The following ZNF219 variants were observed in gnomAD, a reference collection of about 807,000 sequenced individuals.
ZNF219 encodes zinc finger protein 219.
A neutral mutation model predicts 54.4 loss-of-function variants in ZNF219; 17 were observed. That is an observed-to-expected ratio of 0.31 (90% confidence interval 0.21 to 0.47). ZNF219 has a LOEUF of 0.47. Among genes scored for constraint, ZNF219 ranks in the 20% least tolerant of loss-of-function variants. The probability of loss-of-function intolerance (pLI) is 1.00; values close to 1 mark genes in which losing one functional copy is unlikely to be tolerated. For synonymous variants in ZNF219, 518 were observed against 476.4 expected (o/e 1.09, Z -1.14); for missense variants, 1,014 against 1,062.3 (o/e 0.95, Z 0.63).
intron 1 of ZNF219, among the ~76,000 whole-genome samples, chr14:21,095,675 A>G (rs531239882): frequency 1.3e-5 from 2 of 152,306 alleles, no homozygotes; most frequent in Non-Finnish European, 2.9e-5. Flanking sequence ...AGATAGAGCT[A>G]TGAGGTGCTA....
upstream of ZNF219, among the ~76,000 whole-genome samples, chr14:21,100,369 T>TATTATA (rs71419103): frequency 3.3e-5 from 5 of 149,324 alleles, no homozygotes; most frequent in Admixed American, 2.7e-4. Flanking sequence ...GTCTCAATAA[T>TATTATA]ATAATAATAA....
In ZNF219 at chr14:21,092,863, G is replaced by C; in HGVS notation, c.434C>G (p.Ala145Gly). The change falls in exon 3 of 5, where the codon GCC becomes GGC. Residue 145 changes from alanine (A) to glycine (G), a missense_variant. Around this residue, in one of 5 missense-constraint regions of ZNF219, gnomAD observed 395 missense variants for 415.1 expected, o/e 0.95. Coordinates refer to ENST00000360947, the MANE Select transcript of ZNF219 (RefSeq NM_016423.3). The stretch of plus-strand genomic sequence containing the variant: ...CGCCAGACCCTCAGTGGCAGGGGTG[G>C]CCTGCATGCCCCCTGAGCTTCGGGC... ...GRARSSGGMQ[A>G]TPATEGLARP... 1 of 1,553,458 alleles carries C rather than the reference G, an allele frequency of 6.4e-7. No homozygotes were observed. The highest frequency in any genetic ancestry group is 1.2e-5 in the South Asian group (1 of 81,350).
At position 21,093,576 on chromosome 14, in the gene ZNF219, C is replaced by T; in HGVS notation, c.6+10G>A. On this transcript the variant is annotated intron_variant, in intron 2 of 4. Coordinates refer to ENST00000360947, the MANE Select transcript of ZNF219 (RefSeq NM_016423.3). The stretch of plus-strand genomic sequence containing the variant: ...AGGTACTTGTAGGTTGAAGCCAGAG[C>T]TTCACTCACCTCCATGGACCCCCTT... The T allele has an allele frequency of 6.2e-7, 1 of 1,613,950 alleles. No individual in the cohort carries two copies. The highest frequency in any genetic ancestry group is 8.5e-7 in the Non-Finnish European group (1 of 1,179,848).
At chr14:21,091,161 A>AGGGTCACG in intron 4 of ZNF219, 21 bp from the exon 5 acceptor site, 1 of 1,593,334 alleles carries the variant, frequency 6.3e-7, no homozygotes, top group Non-Finnish European at 8.5e-7. Context: ...TGGGTGCGAT[A>AGGGTCACG]GGGTCACGGG....
chr14:21,101,411 G>A, upstream of ZNF219: 1 of 1,551,606 alleles, frequency 6.4e-7, no homozygotes, highest in Non-Finnish European at 8.7e-7. Flanking sequence ...CTACAACACT[G>A]GGCAAGGCAC....
chr14:21,101,553 C>A, upstream of ZNF219: 1 of 1,109,478 alleles, frequency 9.0e-7, no homozygotes, highest in Non-Finnish European at 1.3e-6. Context: ...CTACCATGTG[C>A]CAGAAACTGA....
Position 21,095,563 on chromosome 14 carries a change from T to A in ZNF219, c.-83-1889A>T, listed in dbSNP as rs1889240369. Among the ~76,000 whole-genome samples, 3 of 152,240 alleles carry A rather than the reference T, an allele frequency of 2.0e-5. No individual in the cohort carries two copies. The South Asian group carries it at 6.2e-4, about 31-fold the overall frequency. On this transcript the variant is annotated intron_variant, in intron 1 of 4. Transcript: ENST00000360947. ...TTTGTGATTCTAAGTCACAGGACTC[T>A]TTTGGACCCCAGAGAGATGTTAAAA...
chr14:21,091,891 GC>G lies in ZNF219; in HGVS notation c.1405del (p.Ala469ProfsTer279). On this transcript the variant is annotated frameshift_variant, in exon 3 of 5. Transcript: ENST00000360947. LOFTEE classifies it high-confidence loss of function. ...CTGCGTGGCGGTCGATCTTGCCTGG[GC>G]CCCAGCAGCAGAGGCAGAGTGCCCC... ...GPGHSASAAG[A>X]QARSTATQEE... The G allele has an allele frequency of 6.3e-7, 1 of 1,577,830 alleles. No individual in the cohort carries two copies.
intron 1 of ZNF219, among the ~76,000 whole-genome samples, chr14:21,095,109 G>C (rs570686003): frequency 6.6e-6 from 1 of 152,246 alleles, no homozygotes; most frequent in African/African-American, 2.4e-5. Flanking sequence ...GAGGTCCAAG[G>C]CTTCTTTAAT....
Position 21,092,553 on chromosome 14 carries a change from C to A in ZNF219, c.744G>T (p.Pro248=). 1 of 1,548,220 alleles carries A rather than the reference C, an allele frequency of 6.5e-7. No homozygotes were observed. The highest frequency in any genetic ancestry group is 2.4e-5 in the East Asian group (1 of 40,946). Residue 248 remains proline (P), a synonymous_variant, in exon 3 of 5, where the codon CCG becomes CCT. Coordinates refer to ENST00000360947, the MANE Select transcript of ZNF219 (RefSeq NM_016423.3). ...TTGCCTCACGTTCGGGCTCCGGCTCCGGCTCCGGCTGGGGGACTGATCTGG... is the reference window on the plus strand; with the variant it reads ...TTGCCTCACGTTCGGGCTCCGGCTCAGGCTCCGGCTGGGGGACTGATCTGG... ...PEPRSVPQPE[P]EPEPEREATP...
Position 21,093,283 on chromosome 14 carries a change from C to T in ZNF219, c.14G>A (p.Arg5His), listed in dbSNP as rs1889082466. ...TAAGTGGCCGCTCGGGGCGCGGGGA[C>T]GTGAGCCCTGTGGAGAAAGATCTGC... MEGS[R>H]PRAPSGHLAP... The change falls in exon 3 of 5, where the codon CGT becomes CAT. Residue 5 changes from arginine to histidine, a missense_variant. By Grantham distance (29) the Arg-to-His change is conservative. This residue lies in a region of ZNF219 where 395 missense variants were observed against 415.1 expected (regional missense o/e 0.95). Transcript: ENST00000360947. The T allele has an allele frequency of 6.3e-7, 1 of 1,579,942 alleles. No homozygotes were observed.
chr14:21,093,286 G>A lies in ZNF219; in HGVS notation c.11C>T (p.Ser4Leu), dbSNP rs1005968295. The change falls in exon 3 of 5, where the codon TCA (serine) becomes TTA (leucine). Residue 4 changes from serine to leucine, a missense_variant. Coordinates refer to ENST00000360947, the MANE Select transcript of ZNF219 (RefSeq NM_016423.3). ...GTGGCCGCTCGGGGCGCGGGGACGT[G>A]AGCCCTGTGGAGAAAGATCTGCGTA... The part of the protein sequence containing the change: MEG[S>L]RPRAPSGHLA... 6.4e-7 allele frequency: 1 copy of A among 1,574,312 alleles called. No individual in the cohort carries two copies. The highest frequency in any genetic ancestry group is 1.1e-5 in the South Asian group (1 of 87,244).
upstream of ZNF219, chr14:21,102,587 C>A (rs1160791551): frequency 1.9e-6 from 3 of 1,550,832 alleles, no homozygotes; most frequent in Non-Finnish European, 2.6e-6. Context: ...AGGGCAGGGG[C>A]AAACAGGTGC....
chr14:21,091,383 T>G, intron 4 of ZNF219, 28 bp downstream of exon 4: 1 of 1,581,158 alleles, frequency 6.3e-7, no homozygotes, highest in South Asian at 1.1e-5. Context: ...CCCAGTCCCC[T>G]CTCCACGCCG....
At position 21,090,786 on chromosome 14, in the gene ZNF219, C is replaced by T; in HGVS notation, c.1919G>A (p.Gly640Glu). The part of the protein sequence containing the change: ...SLRAGPGGEA[G>E]PGGALHRCLF... ...GCAGCGGTGGAGGGCACCCCCAGGCCCGGCCTCGCCTCCCGGCCCTGCCCG... is the reference window on the plus strand; with the variant it reads ...GCAGCGGTGGAGGGCACCCCCAGGCTCGGCCTCGCCTCCCGGCCCTGCCCG... The change falls in exon 5 of 5, where the codon GGG (glycine) becomes GAG (glutamate). Residue 640 changes from glycine (G) to glutamate (E), a missense_variant. Coordinates refer to ENST00000360947, the MANE Select transcript of ZNF219 (RefSeq NM_016423.3). The surrounding 1 kb of genome is among the most constrained non-coding windows in gnomAD (Gnocchi z 4.4). The T allele has an allele frequency of 6.3e-7, 1 of 1,588,564 alleles. No homozygotes were observed. Among genetic ancestry groups the T allele is most frequent in the African/African-American group, 1.3e-5 (1 of 74,742 alleles).
chr14:21,101,210 A>G (rs1009534407), upstream of ZNF219: 5 of 805,842 alleles, frequency 6.2e-6, no homozygotes, highest in Admixed American at 7.4e-5. Flanking sequence ...TGGACCTCAA[A>G]TCCCTGGATA....
upstream of ZNF219, chr14:21,101,986 C>T: frequency 6.4e-7 from 1 of 1,551,328 alleles, no homozygotes; most frequent in Non-Finnish European, 8.7e-7. Context: ...GTAAGACCCA[C>T]CACAAGGGAG....
At position 21,092,673 on chromosome 14, in the gene ZNF219, G is replaced by A. The variant is rs781699814; in HGVS notation, c.624C>T (p.Ser208=). 3.8e-6 allele frequency: 6 copies of A among 1,574,324 alleles called. No individual in the cohort carries two copies. The East Asian group carries it at 1.1e-4, about 30-fold the overall frequency. ...GCTCGGGAGCCCCGTGGGCCGTCAG[G>A]CTGTGGTGCAGCAGCTCCTCCTCCT... ...SSQEEELLHH[S]LTAHGAPERP... Residue 208 remains serine, a synonymous_variant, in exon 3 of 5, where the codon AGC becomes AGT. Coordinates refer to ENST00000360947, the MANE Select transcript of ZNF219 (RefSeq NM_016423.3).
At position 21,092,238 on chromosome 14, in the gene ZNF219, G is replaced by T; in HGVS notation, c.1059C>A (p.Ala353=). 1 of 1,456,122 alleles carries T rather than the reference G, an allele frequency of 6.9e-7. No individual in the cohort carries two copies. The highest frequency in any genetic ancestry group is 9.0e-7 in the Non-Finnish European group (1 of 1,109,308). The allele number at this position is 1,456,122 out of a possible 1,614,324, so 90.2% of individuals were successfully genotyped here. The stretch of plus-strand genomic sequence containing the variant: ...GGAGCGCTGGGCCCAACGGCTCATA[G>T]GCCAGCAGGCCGAGGTCAGGAGGCT... The part of the protein sequence containing the change: ...APQPPDLGLL[A]YEPLGPALLL... The change falls in exon 3 of 5, where the codon GCC becomes GCA. Residue 353 remains alanine, a synonymous_variant. Transcript: ENST00000360947.
Sources: gnomAD v4.1 joint callset for allele counts (sites outside exome capture counted in the v4.1 genomes callset) on GRCh38, gnomAD v4.1.1 for gene constraint, gnomAD v4.1.1 regional missense constraint, Gnocchi (gnomAD v3.1) non-coding constraint, MANE v1.5 for transcripts, NCBI Gene and HGNC (gene_info 2026-07-23, HGNC 2026-07-21) for gene names.